Variants in CDH13 observed in about 807,000 individuals in gnomAD.
CDH13 encodes cadherin-13.
A neutral mutation model predicts 63.8 loss-of-function variants in CDH13; 24 were observed. That is an observed-to-expected ratio of 0.38 (90% CI 0.27 to 0.53). CDH13 has a LOEUF of 0.53. CDH13 is among the 20% of genes least tolerant of loss of function. The pLI, the probability that CDH13 is intolerant of heterozygous loss-of-function variation, is 0.85. For synonymous variants in CDH13, 503 were observed against 355.3 expected (o/e 1.42, Z -4.67); for missense variants, 1,049 against 903.1 (o/e 1.16, Z -2.07).
At chr16:82,742,388 G>A (rs556866375) in intron 1 of CDH13, among the ~76,000 whole-genome samples, 1 of 151,948 alleles carries the variant, frequency 6.6e-6, no homozygotes, top group Non-Finnish European at 1.5e-5. Flanking sequence ...TAAATGAAAA[G>A]ATCTAAAAAT....
Position 83,211,764 on chromosome 16 carries a change from C to A in CDH13, c.484-5581C>A, listed in dbSNP as rs373462594. ...AGCTATGCGACGCCCACCTCCCCCC[C>A]CCAAACAGCCAGCCAGGAAGTCTCT... is the stretch of plus-strand genomic sequence containing the variant. On this transcript the variant is annotated intron_variant, in intron 4 of 13. Transcript: ENST00000567109. 6.0e-3 allele frequency among the ~76,000 whole-genome samples: 913 copies of A among 152,208 alleles called. 14 individuals carry two copies. Among genetic ancestry groups the A allele is most frequent in the African/African-American group, 0.017 (687 of 41,524 alleles).
At chr16:83,106,047 T>C (rs183195492) in intron 3 of CDH13, among the ~76,000 whole-genome samples, 1 of 152,352 alleles carries the variant, frequency 6.6e-6, no homozygotes, top group Non-Finnish European at 1.5e-5. Context: ...AGTGATGATT[T>C]TATTCCACTG....
chr16:82,895,603 T>C (rs1323829959), intron 2 of CDH13, among the ~76,000 whole-genome samples: 2 of 152,032 alleles, frequency 1.3e-5, no homozygotes, highest in African/African-American at 4.8e-5. Context: ...ATAAATGACA[T>C]GCATTCACCA....
intron 1 of CDH13, among the ~76,000 whole-genome samples, chr16:82,813,835 T>C (rs8056703): frequency 0.99 from 150,197 of 152,346 alleles, 74,075 homozygotes; most frequent in Middle Eastern, 1. Flanking sequence ...TCAATCAGTC[T>C]TGGTTTCAAG....
chr16:83,189,188 C>T (rs1055102886), intron 4 of CDH13, among the ~76,000 whole-genome samples: 12 of 152,128 alleles, frequency 7.9e-5, no homozygotes, highest in African/African-American at 2.7e-4. Context: ...TAATTTAGGG[C>T]CCCTTTCTGC....
intron 1 of CDH13, among the ~76,000 whole-genome samples, chr16:82,822,991 C>T (rs901115157): frequency 2.6e-5 from 4 of 152,066 alleles, no homozygotes; most frequent in African/African-American, 9.7e-5. Context: ...GAGAGACAAA[C>T]CTCTGAGGGT....
intron 6 of CDH13, among the ~76,000 whole-genome samples, chr16:83,432,107 G>T (rs975154018): frequency 2.0e-5 from 3 of 152,192 alleles, no homozygotes; most frequent in African/African-American, 7.2e-5. Flanking sequence ...CTTCAGTGGA[G>T]GCAGGGTTGC....
chr16:83,671,330 T>A (rs768753146), intron 9 of CDH13, among the ~76,000 whole-genome samples: 2 of 152,094 alleles, frequency 1.3e-5, no homozygotes, highest in African/African-American at 2.4e-5. Context: ...CTCACTGCAA[T>A]CTCCGCCTCC....
intron 2 of CDH13, among the ~76,000 whole-genome samples, chr16:82,891,787 A>G (rs2151223111): frequency 6.6e-6 from 1 of 152,312 alleles, no homozygotes. Flanking sequence ...CCACCTGAAG[A>G]TGAAATGATT....
chr16:82,661,895 A>G (rs1409817208), intron 1 of CDH13, among the ~76,000 whole-genome samples: 3 of 152,260 alleles, frequency 2.0e-5, no homozygotes, highest in Non-Finnish European at 4.4e-5. Context: ...ACTGTCTAAT[A>G]TAGTAGCCAC....
intron 6 of CDH13, among the ~76,000 whole-genome samples, chr16:83,416,199 A>G (rs2151463686): frequency 6.6e-6 from 1 of 152,368 alleles, no homozygotes; most frequent in African/African-American, 2.4e-5. Context: ...TAAGACAGTG[A>G]AAGACATGTA....
At chr16:83,161,967 T>C (rs2037466124) in intron 4 of CDH13, among the ~76,000 whole-genome samples, 1 of 152,226 alleles carries the variant, frequency 6.6e-6, no homozygotes. Flanking sequence ...TCCATCTTTT[T>C]CTATCAGTGC....
chr16:82,972,514 G>A (rs1010940824), intron 2 of CDH13, among the ~76,000 whole-genome samples: 5 of 152,266 alleles, frequency 3.3e-5, no homozygotes, highest in Admixed American at 2.0e-4. Context: ...TTGGGACCTG[G>A]GGAGGTTATT....
intron 5 of CDH13, among the ~76,000 whole-genome samples, chr16:83,253,266 G>T (rs1024115659): frequency 2.0e-5 from 3 of 152,176 alleles, no homozygotes; most frequent in Non-Finnish European, 4.4e-5. Context: ...TTGGGGGTGG[G>T]ACTCCCTCTC....
intron 7 of CDH13, among the ~76,000 whole-genome samples, chr16:83,589,690 T>G (rs940885787): frequency 1.3e-5 from 2 of 152,078 alleles, no homozygotes; most frequent in Non-Finnish European, 1.5e-5. Context: ...GAACCTGACA[T>G]TGAGCATCTC....
At chr16:83,191,462 T>TAGATATAGATAG (rs768560727) in intron 4 of CDH13, among the ~76,000 whole-genome samples, 2 of 105,566 alleles carry the variant, frequency 1.9e-5, no homozygotes, top group African/African-American at 3.7e-5. Context: ...ATAGGAAATA[T>TAGATATAGATAG]ATATATATAT....
intron 3 of CDH13, among the ~76,000 whole-genome samples, chr16:83,072,439 T>C (rs975647393): frequency 6.6e-6 from 1 of 152,200 alleles, no homozygotes; most frequent in Non-Finnish European, 1.5e-5. Context: ...TCCTGGAGGA[T>C]TCTAACTCAC....
intron 3 of CDH13, among the ~76,000 whole-genome samples, chr16:83,089,254 T>C (rs73598187): frequency 0.016 from 2,436 of 152,348 alleles, 50 homozygotes; most frequent in African/African-American, 0.056. Flanking sequence ...GTCACATCTC[T>C]ATTTGATCAT....
chr16:83,301,043 T>TTTTC (rs2089727964), intron 5 of CDH13, among the ~76,000 whole-genome samples: 1 of 141,628 alleles, frequency 7.1e-6, no homozygotes, highest in Non-Finnish European at 1.5e-5. Flanking sequence ...TTTTTTTTTT[T>TTTTC]TTTTTTGAGA....
Sources: gnomAD v4.1 joint callset for allele counts (sites outside exome capture counted in the v4.1 genomes callset) on GRCh38, gnomAD v4.1.1 for gene constraint, MANE v1.5 for transcripts, NCBI Gene and HGNC (gene_info 2026-07-23, HGNC 2026-07-21) for gene names.